GPATCH2L: variants seen among roughly 807,000 people sequenced by gnomAD.
GPATCH2L encodes G patch domain-containing protein 2-like.
A neutral mutation model predicts 57.4 loss-of-function variants in GPATCH2L; 31 were observed. That is an observed-to-expected ratio of 0.54 (90% CI 0.41 to 0.73). The LOEUF is 0.73. GPATCH2L is among the 30% of genes least tolerant of loss of function. The probability of loss-of-function intolerance (pLI) is 0.00; values close to 1 mark genes in which losing one functional copy is unlikely to be tolerated. For missense variants in GPATCH2L, 481 were observed against 599.9 expected (o/e 0.80, Z 2.07); for synonymous variants, 199 against 210.7 (o/e 0.94, Z 0.48).
chr14:76,155,129 A>C (rs1259788263), intron 2 of GPATCH2L, 104 bp downstream of exon 2: 1 of 873,380 alleles, frequency 1.1e-6, no homozygotes, highest in African/African-American at 1.7e-5. Context: ...CAGCCACTCT[A>C]GTATTGACTT....
intron 2 of GPATCH2L, among the ~76,000 whole-genome samples, chr14:76,232,565 A>G (rs905699471): frequency 3.3e-5 from 5 of 152,204 alleles, no homozygotes; most frequent in Admixed American, 2.0e-4. Context: ...GGGCGTTCCA[A>G]AAACCATTCT....
At chr14:76,185,096 C>T (rs554216072) in intron 8 of GPATCH2L, among the ~76,000 whole-genome samples, 15 of 152,268 alleles carry the variant, frequency 9.9e-5, no homozygotes, top group Middle Eastern at 3.4e-3. Context: ...AGTATCTGCA[C>T]GGTGCCCAGC....
chr14:76,156,182 C>G (rs1214468432), intron 2 of GPATCH2L, among the ~76,000 whole-genome samples: 1 of 152,236 alleles, frequency 6.6e-6, no homozygotes, highest in Non-Finnish European at 1.5e-5. Flanking sequence ...AAAGCTCATT[C>G]TTAACCACCA....
At chr14:76,155,304 C>CA (rs1286881106) in intron 2 of GPATCH2L, among the ~76,000 whole-genome samples, 3 of 152,142 alleles carry the variant, frequency 2.0e-5, no homozygotes, top group Non-Finnish European at 4.4e-5. Flanking sequence ...TTTTAAAAAA[C>CA]AATTTGCTGC....
Position 76,203,085 on chromosome 14 carries a change from T to C in GPATCH2L, c.*1234T>C, listed in dbSNP as rs1194434309. On this transcript the variant is annotated 3_prime_UTR_variant, in exon 10 of 10. Coordinates refer to ENST00000261530, the MANE Select transcript of GPATCH2L (RefSeq NM_017926.4). Reference sequence around the variant, plus strand: ...GTAGAGGGACTCCCACTCATGCATCTGCTTATTTTCTGTCTTAAATAGGTG... The same window carrying C: ...GTAGAGGGACTCCCACTCATGCATCCGCTTATTTTCTGTCTTAAATAGGTG... The C allele has an allele frequency of 2.6e-5, 4 of 152,240 alleles. No homozygotes were observed. Among genetic ancestry groups the C allele is most frequent in the African/African-American group, 9.6e-5 (4 of 41,452 alleles). The allele number at this position is 152,240 out of a possible 1,614,324, so 9.4% of individuals were successfully genotyped here.
At chr14:76,186,259 AAG>A (rs906662837) in intron 8 of GPATCH2L, among the ~76,000 whole-genome samples, 7 of 152,216 alleles carry the variant, frequency 4.6e-5, no homozygotes, top group African/African-American at 7.2e-5. Context: ...GTTAAAAAAA[AAG>A]AGAGAGAGAC....
At chr14:76,177,699 T>G (rs980509869) in intron 6 of GPATCH2L, among the ~76,000 whole-genome samples, 1 of 141,358 alleles carries the variant, frequency 7.1e-6, no homozygotes, top group African/African-American at 2.7e-5. Flanking sequence ...TTGAAGAGGT[T>G]TTTTTTTGTT....
chr14:76,181,429 GCT>G (rs1779254347), intron 8 of GPATCH2L, among the ~76,000 whole-genome samples: 1 of 152,178 alleles, frequency 6.6e-6, no homozygotes, highest in South Asian at 2.1e-4. Context: ...AGCACTTCCT[GCT>G]CGTTATCTGT....
intron 1 of GPATCH2L, among the ~76,000 whole-genome samples, chr14:76,221,464 T>C (rs1037514798): frequency 6.6e-6 from 1 of 152,182 alleles, no homozygotes; most frequent in African/African-American, 2.4e-5. Flanking sequence ...CTAAGCATGC[T>C]CTTACCATAC....
chr14:76,173,021 C>T (rs920665852), intron 4 of GPATCH2L, among the ~76,000 whole-genome samples: 1 of 152,170 alleles, frequency 6.6e-6, no homozygotes, highest in Non-Finnish European at 1.5e-5. Flanking sequence ...CCTATAATCT[C>T]ATATCCAGAG....
rs1486643480 is a variant in GPATCH2L at position 76,154,210 on chromosome 14, T to G, written c.-10-144T>G. 3.2e-6 allele frequency: 2 copies of G among 623,604 alleles called. No individual in the cohort carries two copies. Among genetic ancestry groups the G allele is most frequent in the East Asian group, 2.8e-5 (1 of 35,112 alleles). 38.6% of individuals were successfully genotyped at this position (623,604 alleles called of 1,614,324 possible). A position where few individuals can be genotyped will look rare whatever the true frequency, so the allele number is the denominator to read the frequency against. On this transcript the variant is annotated intron_variant, in intron 1 of 9. Coordinates refer to ENST00000261530, the MANE Select transcript of GPATCH2L (RefSeq NM_017926.4). The surrounding 1 kb of genome is among the most constrained non-coding windows in gnomAD (Gnocchi z 4.4). ...AATCTAAGTGTAGCCAGATGAAAGG[T>G]GACTTATTTTGTTTAGACAGGCAGA...
chr14:76,155,593 A>T (rs2038269770), intron 2 of GPATCH2L, among the ~76,000 whole-genome samples: 1 of 152,204 alleles, frequency 6.6e-6, no homozygotes, highest in Admixed American at 6.5e-5. Flanking sequence ...AAATAACAGT[A>T]CCGAGTCCCA....
chr14:76,215,749 C>T (rs914043248), downstream of GPATCH2L, among the ~76,000 whole-genome samples: 6 of 120,338 alleles, frequency 5.0e-5, no homozygotes, highest in African/African-American at 2.0e-4. Context: ...GGGAATATCA[C>T]ACTCTGGGGA....
intron 4 of GPATCH2L, among the ~76,000 whole-genome samples, chr14:76,172,595 T>C (rs1360514051): frequency 6.6e-6 from 1 of 152,236 alleles, no homozygotes; most frequent in African/African-American, 2.4e-5. Flanking sequence ...ACTCTGATAC[T>C]GTCTACCAAG....
rs2040372493 is a variant in GPATCH2L at position 76,206,063 on chromosome 14, G to C, written c.*4212G>C. The stretch of plus-strand genomic sequence containing the variant: ...GACGTCATGGTTCATGCGATGGTTG[G>C]AGGGATGGTAAAAGCAGTTAGCTCT... On this transcript the variant is annotated 3_prime_UTR_variant, in exon 10 of 10. Coordinates refer to ENST00000261530, the MANE Select transcript of GPATCH2L (RefSeq NM_017926.4). The C allele has an allele frequency of 6.6e-6, 1 of 152,508 alleles. No individual in the cohort carries two copies. 9.4% of individuals were successfully genotyped at this position (152,508 alleles called of 1,614,324 possible). A position where few individuals can be genotyped will look rare whatever the true frequency, so the allele number is the denominator to read the frequency against.
chr14:76,153,751 A>G (rs1055549353), intron 1 of GPATCH2L: 4 of 152,242 alleles, frequency 2.6e-5, no homozygotes, highest in Admixed American at 1.3e-4. Flanking sequence ...GGGTCACTAC[A>G]ATTTCTTGGA....
intron 3 of GPATCH2L, among the ~76,000 whole-genome samples, chr14:76,168,946 G>T (rs899856985): frequency 2.0e-5 from 3 of 152,204 alleles, no homozygotes; most frequent in Non-Finnish European, 4.4e-5. Flanking sequence ...TTGTTTGGCA[G>T]CCTTCTTTTA....
In GPATCH2L at chr14:76,213,241, G is replaced by A. The variant is rs1035203827; in HGVS notation, c.*11390G>A. On this transcript the variant is annotated 3_prime_UTR_variant, in exon 10 of 10. Coordinates refer to ENST00000261530, the MANE Select transcript of GPATCH2L (RefSeq NM_017926.4). Reference sequence around the variant, plus strand: ...GAATTACCAAGTATTGAATAGGTAAGAGTCATAAAATATTCTTTGCTCAAC... The same window carrying A: ...GAATTACCAAGTATTGAATAGGTAAAAGTCATAAAATATTCTTTGCTCAAC... The A allele has an allele frequency of 3.9e-5, 6 of 152,040 alleles. No individual in the cohort carries two copies. Among genetic ancestry groups the A allele is most frequent in the African/African-American group, 1.4e-4 (6 of 41,414 alleles). The allele number at this position is 152,040 out of a possible 1,614,324, so 9.4% of individuals were successfully genotyped here.
chr14:76,187,562 G>T lies in GPATCH2L; in HGVS notation c.1193+6713G>T, dbSNP rs148819831. Among the ~76,000 whole-genome samples, 172 of 152,110 alleles carry T rather than the reference G, an allele frequency of 1.1e-3. 1 individual carries two copies. Among genetic ancestry groups the T allele is most frequent in the African/African-American group, 4.1e-3 (169 of 41,518 alleles). Reference sequence around the variant, plus strand: ...AGAAAACAAATACCATTTTTACATTGAATTTTATTAACTTTCTAATTTTTA... The same window carrying T: ...AGAAAACAAATACCATTTTTACATTTAATTTTATTAACTTTCTAATTTTTA... On this transcript the variant is annotated intron_variant, in intron 8 of 9. Transcript: ENST00000261530.
Sources: gnomAD v4.1 joint callset for allele counts (sites outside exome capture counted in the v4.1 genomes callset) on GRCh38, gnomAD v4.1.1 for gene constraint, Gnocchi (gnomAD v3.1) non-coding constraint, MANE v1.5 for transcripts, NCBI Gene and HGNC (gene_info 2026-07-23, HGNC 2026-07-21) for gene names.